RYR3: variants seen among roughly 807,000 people sequenced by gnomAD.
The protein encoded by RYR3 is ryanodine receptor 3.
RYR3 carries 207 observed loss-of-function variants against 584.3 expected under a neutral mutation model. The ratio of observed to expected loss-of-function variants is 0.35; its 90% CI spans 0.32 to 0.40. RYR3 has a LOEUF of 0.40. Ranked by LOEUF, RYR3 falls within the 10% of genes least tolerant of loss-of-function variation. The pLI, the probability that RYR3 is intolerant of heterozygous loss-of-function variation, is 1.00. For missense variants in RYR3, 5,616 were observed against 6,089.2 expected (o/e 0.92, Z 2.59); for synonymous variants, 2,416 against 2,248.5 (o/e 1.07, Z -2.11).
At chr15:33,539,068 T>A in intron 5 of RYR3, 1 of 215,398 alleles carries the variant, frequency 4.6e-6, no homozygotes, top group Non-Finnish European at 9.2e-6. Context: ...GCATTTTTCC[T>A]ATTTGCATTA....
chr15:33,587,327 C>T (rs1215616885), intron 16 of RYR3, among the ~76,000 whole-genome samples: 1 of 152,140 alleles, frequency 6.6e-6, no homozygotes, highest in African/African-American at 2.4e-5. Flanking sequence ...TGCTAGGAGC[C>T]ACGGGCTATG....
intron 38 of RYR3, 57 bp from the exon 39 acceptor site, chr15:33,696,161 C>T (rs1228942189): frequency 1.4e-5 from 21 of 1,537,922 alleles, no homozygotes; most frequent in Middle Eastern, 2.0e-4. Flanking sequence ...GCTGAAACAC[C>T]CAGCTCTCCC....
At chr15:33,803,033 G>A (rs1013101418) in intron 69 of RYR3, among the ~76,000 whole-genome samples, 2 of 152,188 alleles carry the variant, frequency 1.3e-5, no homozygotes, top group Non-Finnish European at 2.9e-5. Context: ...CACCAAAAGC[G>A]AAAACTTTAG....
In RYR3 at chr15:33,815,146, A is replaced by G. The variant is rs532402758; in HGVS notation, c.10502+1567A>G. Among the ~76,000 whole-genome samples the G allele has an allele frequency of 3.0e-4, 45 of 152,226 alleles. 1 individual carries two copies. The highest frequency in any genetic ancestry group is 4.1e-4 in the African/African-American group (17 of 41,532). ...GATCTCTTTCAAGAAACAGATTACT[A>G]TCTTTGGAAGAGAATGAGGCACCAC... On this transcript the variant is annotated intron_variant, in intron 74 of 103. Transcript: ENST00000634891.
chr15:33,397,290 A>G (rs1413552723), intron 1 of RYR3, among the ~76,000 whole-genome samples: 1 of 152,226 alleles, frequency 6.6e-6, no homozygotes, highest in African/African-American at 2.4e-5. Flanking sequence ...AGCAGGTTAC[A>G]AAAGGAGCTA....
chr15:33,680,119 G>T lies in RYR3; in HGVS notation c.5860+9563G>T, dbSNP rs138083106. On this transcript the variant is annotated intron_variant, in intron 38 of 103. Transcript: ENST00000634891. ...ATTTCAGTTTCTCTATATGAAAAAT[G>T]AGAATAATAGTAGCTCCTATCCTGC... Among the ~76,000 whole-genome samples, 24 of 152,274 alleles carry T rather than the reference G, an allele frequency of 1.6e-4. No homozygotes were observed. In the East Asian group the frequency reaches 4.6e-3, roughly 29 times the overall value.
intron 1 of RYR3, among the ~76,000 whole-genome samples, chr15:33,433,861 C>A (rs2045421850): frequency 6.6e-6 from 1 of 152,178 alleles, no homozygotes; most frequent in Non-Finnish European, 1.5e-5. Context: ...TTTCAAGTCC[C>A]ATTTTCCAGA....
At position 33,523,691 on chromosome 15, in the gene RYR3, G is replaced by A. The variant is rs74536966; in HGVS notation, c.280-6901G>A. 2.6e-5 allele frequency among the ~76,000 whole-genome samples: 4 copies of A among 152,224 alleles called. No homozygotes were observed. The East Asian group carries it at 7.8e-4, about 30-fold the overall frequency. On this transcript the variant is annotated intron_variant, in intron 3 of 103. Transcript: ENST00000634891. Reference sequence around the variant, plus strand: ...TAACAGCTGTGTGAGGCAGCCTTGAGAAGCAGGGAATGCACCAAGTCCCCA... The same window carrying A: ...TAACAGCTGTGTGAGGCAGCCTTGAAAAGCAGGGAATGCACCAAGTCCCCA...
At chr15:33,736,177 C>T in intron 48 of RYR3, 58 bp from the exon 49 acceptor site, 1 of 1,122,282 alleles carries the variant, frequency 8.9e-7, no homozygotes, top group Middle Eastern at 2.0e-4. Context: ...TTCTTTCATT[C>T]CTCCTTTATT....
intron 1 of RYR3, among the ~76,000 whole-genome samples, chr15:33,362,007 C>T (rs774657697): frequency 5.9e-5 from 9 of 152,168 alleles, no homozygotes; most frequent in Non-Finnish European, 7.4e-5. Flanking sequence ...GCTAAGTTGC[C>T]GCATTCCCAA....
chr15:33,564,446 T>G (rs1595612956), intron 11 of RYR3, among the ~76,000 whole-genome samples: 1 of 152,072 alleles, frequency 6.6e-6, no homozygotes, highest in Non-Finnish European at 1.5e-5. Flanking sequence ...CCGTTGATCT[T>G]TAGAAGAGCT....
chr15:33,705,705 T>C (rs2066659565), intron 42 of RYR3, among the ~76,000 whole-genome samples: 2 of 152,214 alleles, frequency 1.3e-5, no homozygotes, highest in African/African-American at 4.8e-5. Flanking sequence ...CCTTAATGGA[T>C]GGGGATCTCT....
intron 94 of RYR3, chr15:33,850,526 A>C (rs2079029034): frequency 6.6e-6 from 1 of 152,318 alleles, no homozygotes; most frequent in East Asian, 1.9e-4. Flanking sequence ...GAAATGCATA[A>C]ATAAATAGCT....
At chr15:33,754,015 C>T (rs1182493498) in intron 57 of RYR3, among the ~76,000 whole-genome samples, 3 of 152,102 alleles carry the variant, frequency 2.0e-5, no homozygotes, top group South Asian at 2.1e-4. Flanking sequence ...AATGATGGTG[C>T]GTGCCTGTAA....
At chr15:33,339,536 A>T (rs905112783) in intron 1 of RYR3, among the ~76,000 whole-genome samples, 1 of 152,334 alleles carries the variant, frequency 6.6e-6, no homozygotes, top group African/African-American at 2.4e-5. Flanking sequence ...AGGGAATCAC[A>T]AAAAGCCAAA....
At chr15:33,582,898 A>G (rs2058665458) in intron 14 of RYR3, among the ~76,000 whole-genome samples, 1 of 152,208 alleles carries the variant, frequency 6.6e-6, no homozygotes, top group Admixed American at 6.5e-5. Context: ...ATTCAAACCT[A>G]TCATGTGAAG....
intron 27 of RYR3, among the ~76,000 whole-genome samples, chr15:33,641,304 C>G (rs1227620998): frequency 2.6e-5 from 4 of 152,238 alleles, no homozygotes; most frequent in Non-Finnish European, 5.9e-5. Context: ...GAGCCCCAGT[C>G]CACTTTCTAG....
intron 3 of RYR3, among the ~76,000 whole-genome samples, chr15:33,522,116 A>G (rs1331348124): frequency 7.7e-6 from 1 of 129,360 alleles, no homozygotes; most frequent in African/African-American, 2.7e-5. Flanking sequence ...AAAAAAAACT[A>G]GCCAGGTGTG....
At chr15:33,461,045 C>G (rs536686496) in intron 1 of RYR3, among the ~76,000 whole-genome samples, 2 of 148,996 alleles carry the variant, frequency 1.3e-5, no homozygotes, top group African/African-American at 5.0e-5. Flanking sequence ...CCCGGGTTCA[C>G]GCCATTCTCC....
Sources: gnomAD v4.1 joint callset for allele counts (sites outside exome capture counted in the v4.1 genomes callset) on GRCh38, gnomAD v4.1.1 for gene constraint, MANE v1.5 for transcripts, NCBI Gene and HGNC (gene_info 2026-07-23, HGNC 2026-07-21) for gene names.